TRHDE: variants seen among roughly 807,000 people sequenced by gnomAD.
TRHDE encodes the protein thyrotropin-releasing hormone-degrading ectoenzyme.
TRHDE carries 72 observed loss-of-function variants against 125.7 expected under a neutral mutation model. That is an observed-to-expected ratio of 0.57 (90% CI 0.47 to 0.70). TRHDE has a LOEUF of 0.70. Among genes scored for constraint, TRHDE ranks in the 30% least tolerant of loss-of-function variants. TRHDE has a pLI of 0.00. For synonymous variants in TRHDE, 509 were observed against 509.1 expected (o/e 1.00, Z 0.00); for missense variants, 1,110 against 1,327.1 (o/e 0.84, Z 2.54).
chr12:72,209,893 G>A (rs1592484698), intron 2 of TRHDE, among the ~76,000 whole-genome samples: 1 of 152,088 alleles, frequency 6.6e-6, no homozygotes, highest in African/African-American at 2.4e-5. Context: ...AATCCTTCAT[G>A]CTGCTTGAAT....
intron 12 of TRHDE, among the ~76,000 whole-genome samples, chr12:72,578,070 C>A (rs1207998137): frequency 6.6e-6 from 1 of 152,114 alleles, no homozygotes; most frequent in East Asian, 1.9e-4. Context: ...TCTATATCAA[C>A]CTTCTCTCAA....
At chr12:72,444,735 A>G (rs1182102909) in intron 3 of TRHDE, among the ~76,000 whole-genome samples, 1 of 151,894 alleles carries the variant, frequency 6.6e-6, no homozygotes, top group Non-Finnish European at 1.5e-5. Context: ...AATGTCTGTT[A>G]GTGAAGCTGG....
chr12:72,603,587 T>C (rs575944675), intron 12 of TRHDE, among the ~76,000 whole-genome samples: 53 of 151,738 alleles, frequency 3.5e-4, no homozygotes, highest in Non-Finnish European at 7.2e-4. Flanking sequence ...TAGCCGGGCG[T>C]GGTGGCAGGC....
chr12:72,407,445 C>A (rs1039127678), intron 3 of TRHDE, among the ~76,000 whole-genome samples: 2 of 152,180 alleles, frequency 1.3e-5, no homozygotes, highest in African/African-American at 4.8e-5. Context: ...ATCTAGGCTA[C>A]ACAGGAGAAC....
At chr12:72,439,595 A>G (rs966276577) in intron 3 of TRHDE, among the ~76,000 whole-genome samples, 17 of 151,280 alleles carry the variant, frequency 1.1e-4, no homozygotes, top group Non-Finnish European at 2.1e-4. Flanking sequence ...TTTTTTGTTT[A>G]TGTATATCTT....
chr12:72,238,300 A>G (rs1368595595), intron 2 of TRHDE, among the ~76,000 whole-genome samples: 2 of 35,682 alleles, frequency 5.6e-5, no homozygotes, highest in Non-Finnish European at 1.1e-4. Flanking sequence ...ATATATATAT[A>G]TATATATATA....
At chr12:72,280,020 T>A (rs1168082255) in intron 1 of TRHDE, among the ~76,000 whole-genome samples, 1 of 152,208 alleles carries the variant, frequency 6.6e-6, no homozygotes, top group African/African-American at 2.4e-5. Context: ...AAATCTTATA[T>A]CTTTTAAAAA....
chr12:72,217,961 A>G (rs1592487962), intron 2 of TRHDE, among the ~76,000 whole-genome samples: 1 of 152,156 alleles, frequency 6.6e-6, no homozygotes, highest in South Asian at 2.1e-4. Flanking sequence ...ACAAAAATGT[A>G]TACATGATTA....
chr12:72,237,479 T>G (rs1411554929), intron 2 of TRHDE, among the ~76,000 whole-genome samples: 5 of 152,182 alleles, frequency 3.3e-5, no homozygotes, highest in African/African-American at 1.2e-4. Context: ...GTGTGGCATT[T>G]GCAAAATATA....
At chr12:72,376,347 C>T (rs1871881143) in intron 2 of TRHDE, among the ~76,000 whole-genome samples, 1 of 152,098 alleles carries the variant, frequency 6.6e-6, no homozygotes, top group African/African-American at 2.4e-5. Flanking sequence ...TTTTAAAGGT[C>T]CGCTTCCTAT....
At chr12:72,164,416 G>T (rs1876700832) in intron 2 of TRHDE, among the ~76,000 whole-genome samples, 1 of 152,158 alleles carries the variant, frequency 6.6e-6, no homozygotes, top group South Asian at 2.1e-4. Flanking sequence ...GGTTCAAGAG[G>T]CTGAAGAGAA....
chr12:72,528,735 C>G (rs1868397190), intron 6 of TRHDE, among the ~76,000 whole-genome samples: 2 of 152,080 alleles, frequency 1.3e-5, no homozygotes, highest in South Asian at 4.1e-4. Context: ...GACCCCCCGC[C>G]TCTGCCTCCC....
chr12:72,111,457 A>C (rs1875313702), intron 2 of TRHDE, among the ~76,000 whole-genome samples: 1 of 152,188 alleles, frequency 6.6e-6, no homozygotes, highest in African/African-American at 2.4e-5. Context: ...TAGAAAGTGG[A>C]ATGAAACAGC....
At chr12:72,621,283 A>G in intron 14 of TRHDE, 78 bp downstream of exon 14, 1 of 912,012 alleles carries the variant, frequency 1.1e-6, no homozygotes, top group South Asian at 1.5e-5. Flanking sequence ...TTGTGACTTT[A>G]GCTGCATGAG....
intron 6 of TRHDE, among the ~76,000 whole-genome samples, chr12:72,528,008 T>C (rs2220581): frequency 0.4 from 60,879 of 151,998 alleles, 14,705 homozygotes; most frequent in African/African-American, 0.67. Flanking sequence ...TAAAACTTTA[T>C]AAAACTAATA....
At chr12:72,163,761 C>G (rs1318715480) in intron 2 of TRHDE, among the ~76,000 whole-genome samples, 1 of 152,212 alleles carries the variant, frequency 6.6e-6, no homozygotes, top group Non-Finnish European at 1.5e-5. Flanking sequence ...AAATGCACAT[C>G]TTAGAATGGG....
At chr12:72,278,303 A>C (rs538240652) in intron 1 of TRHDE, among the ~76,000 whole-genome samples, 1 of 152,228 alleles carries the variant, frequency 6.6e-6, no homozygotes, top group South Asian at 2.1e-4. Context: ...GTATTTCATT[A>C]GTGTATGTAT....
chr12:72,370,126 G>T (rs1031996661), intron 2 of TRHDE, among the ~76,000 whole-genome samples: 27 of 152,094 alleles, frequency 1.8e-4, no homozygotes, highest in Non-Finnish European at 8.8e-5. Flanking sequence ...TGTTCCAGCA[G>T]GTCACTGGAG....
chr12:72,268,508 T>C (rs968164007), upstream of TRHDE, among the ~76,000 whole-genome samples: 7 of 152,094 alleles, frequency 4.6e-5, no homozygotes, highest in African/African-American at 1.7e-4. Context: ...CATTAAGTAC[T>C]GGGTTAGGAC....
Sources: allele counts gnomAD v4.1 joint callset (sites outside exome capture counted in the v4.1 genomes callset), GRCh38; gene constraint gnomAD v4.1.1; transcripts MANE v1.5; gene names NCBI Gene and HGNC (gene_info 2026-07-23, HGNC 2026-07-21).